The following GIGYF2 variants were observed in gnomAD, a reference collection of about 807,000 sequenced individuals.
GIGYF2 encodes GRB10 interacting GYF protein 2.
Under a neutral mutation model 208.1 loss-of-function variants are expected in GIGYF2, and 25 were observed. The observed-to-expected ratio is 0.12, with a 90% confidence interval of 0.09 to 0.17. The LOEUF is 0.17. Among genes scored for constraint, GIGYF2 ranks in the 10% least tolerant of loss-of-function variants. The pLI, the probability that GIGYF2 is intolerant of heterozygous loss-of-function variation, is 1.00. For missense variants in GIGYF2, 1,302 were observed against 1,579.4 expected (o/e 0.82, Z 2.98); for synonymous variants, 534 against 543.8 (o/e 0.98, Z 0.25).
At chr2:232,766,771 C>T (rs942703766) in intron 8 of GIGYF2, 3 of 152,226 alleles carry the variant, frequency 2.0e-5, no homozygotes, top group African/African-American at 7.2e-5. Context: ...CCCTGCTCTT[C>T]ACACCTGCTT....
intron 14 of GIGYF2, among the ~76,000 whole-genome samples, chr2:232,801,069 G>GA (rs535594993): frequency 6.3e-4 from 96 of 151,674 alleles, no homozygotes; most frequent in African/African-American, 2.2e-3. Context: ...TCTTTAAAAA[G>GA]AAAAAAAAGA....
chr2:232,753,364 TC>T (rs1232635412), intron 5 of GIGYF2, among the ~76,000 whole-genome samples: 1 of 152,156 alleles, frequency 6.6e-6, no homozygotes, highest in Non-Finnish European at 1.5e-5. Context: ...CCTCAAGTGA[TC>T]CGCCTGCCTT....
chr2:232,771,736 G>A (rs957969150), intron 8 of GIGYF2, among the ~76,000 whole-genome samples: 3 of 152,138 alleles, frequency 2.0e-5, no homozygotes, highest in African/African-American at 7.2e-5. Context: ...ACCAAATATT[G>A]TGTATAAAGA....
chr2:232,745,592 T>TC (rs1252629946), intron 3 of GIGYF2, among the ~76,000 whole-genome samples: 3 of 152,228 alleles, frequency 2.0e-5, no homozygotes, highest in East Asian at 3.8e-4. Flanking sequence ...TAAGGCTTTT[T>TC]CCCTCCTTTC....
At chr2:232,829,060 AT>A (rs1293775878) in intron 21 of GIGYF2, among the ~76,000 whole-genome samples, 1 of 152,116 alleles carries the variant, frequency 6.6e-6, no homozygotes, top group Non-Finnish European at 1.5e-5. Context: ...AGATGCTAAA[AT>A]TTTTTCAAAA....
At chr2:232,736,027 T>C (rs1295478919) in intron 3 of GIGYF2, 1 of 978,788 alleles carries the variant, frequency 1.0e-6, no homozygotes, top group African/African-American at 1.7e-5. Flanking sequence ...GTTCAATAAA[T>C]GATGCAGACT....
intron 23 of GIGYF2, chr2:232,842,978 C>T (rs1320746037): frequency 6.6e-6 from 1 of 152,180 alleles, no homozygotes; most frequent in Non-Finnish European, 1.5e-5. Flanking sequence ...GACTCAGCAC[C>T]TCCAGTTCCT....
chr2:232,845,584 T>C, intron 25 of GIGYF2, 148 bp from the exon 26 acceptor site: 1 of 698,288 alleles, frequency 1.4e-6, no homozygotes, highest in Non-Finnish European at 2.5e-6. Flanking sequence ...AATCCAAATA[T>C]TTGAATTTTT....
At chr2:232,754,438 T>C (rs998675847) in intron 5 of GIGYF2, among the ~76,000 whole-genome samples, 6 of 152,212 alleles carry the variant, frequency 3.9e-5, no homozygotes, top group African/African-American at 4.8e-5. Context: ...TTATACTAGT[T>C]TATACTTTCA....
intron 2 of GIGYF2, among the ~76,000 whole-genome samples, chr2:232,734,109 C>CTTTTT (rs35593823): frequency 8.2e-6 from 1 of 122,464 alleles, no homozygotes; most frequent in Non-Finnish European, 1.7e-5. Flanking sequence ...TATTTTAAAA[C>CTTTTT]TTTTTTTTTT....
At chr2:232,768,154 G>T (rs755099409) in intron 8 of GIGYF2, 2 of 1,604,510 alleles carry the variant, frequency 1.2e-6, no homozygotes, top group Non-Finnish European at 1.7e-6. Context: ...TGCATAACTG[G>T]CTGGGTGTAT....
At chr2:232,728,158 C>T (rs1041558189) in intron 2 of GIGYF2, among the ~76,000 whole-genome samples, 2 of 152,024 alleles carry the variant, frequency 1.3e-5, no homozygotes, top group Admixed American at 1.3e-4. Context: ...TATGTCATAG[C>T]ACAACTAAAG....
intron 2 of GIGYF2, among the ~76,000 whole-genome samples, chr2:232,715,302 C>A (rs557562909): frequency 3.3e-5 from 5 of 151,920 alleles, no homozygotes; most frequent in South Asian, 2.1e-4. Flanking sequence ...GGCTATTAGA[C>A]GTAAAGCTGA....
chr2:232,795,354 T>G (rs1259563378), intron 13 of GIGYF2, among the ~76,000 whole-genome samples: 2 of 152,190 alleles, frequency 1.3e-5, no homozygotes, highest in African/African-American at 4.8e-5. Flanking sequence ...TCCCCAAGAT[T>G]GTGTGTACCA....
rs188839180 is a variant in GIGYF2 at position 232,711,801 on chromosome 2, C to T, written c.-44+8312C>T. Among the ~76,000 whole-genome samples the T allele has an allele frequency of 3.4e-5, 5 of 148,862 alleles. No individual in the cohort carries two copies. The East Asian group carries it at 9.8e-4, about 29-fold the overall frequency. ...TGATATTACACTAAAATTCAACCAG[C>T]AGTGTTTTTTTTCTTTTTTTGTATT... On this transcript the variant is annotated intron_variant, in intron 2 of 28. Transcript: ENST00000373563.
rs147801207 is a variant in GIGYF2 at position 232,698,530 on chromosome 2, C to T, written c.-110+1138C>T. Reference sequence around the variant, plus strand: ...ATTCTTTCTGTACATTAATTTTGCTCCTTCTAATATTTGTAGCTTTGGCCT... The same window carrying T: ...ATTCTTTCTGTACATTAATTTTGCTTCTTCTAATATTTGTAGCTTTGGCCT... On this transcript the variant is annotated intron_variant, in intron 1 of 28. Transcript: ENST00000373563. Among the ~76,000 whole-genome samples, 25 of 152,186 alleles carry T rather than the reference C, an allele frequency of 1.6e-4. No homozygotes were observed. In the East Asian group the frequency reaches 4.6e-3, roughly 28 times the overall value.
At chr2:232,722,991 T>A (rs142671909) in intron 2 of GIGYF2, among the ~76,000 whole-genome samples, 3 of 152,308 alleles carry the variant, frequency 2.0e-5, no homozygotes, top group African/African-American at 7.2e-5. Context: ...AATTATTTTT[T>A]ATGTAAGTTT....
chr2:232,771,359 C>T, intron 8 of GIGYF2: 1 of 1,605,090 alleles, frequency 6.2e-7, no homozygotes, highest in Non-Finnish European at 8.5e-7. Flanking sequence ...TTACTGCTGT[C>T]CATCTCAGGC....
At chr2:232,804,843 C>T (rs2592113) in intron 14 of GIGYF2, among the ~76,000 whole-genome samples, 52,857 of 151,580 alleles carry the variant, frequency 0.35, 9,516 homozygotes, top group South Asian at 0.63. Context: ...CCTTGAGACT[C>T]CCTCTTTTAC....
Sources: allele counts gnomAD v4.1 joint callset (sites outside exome capture counted in the v4.1 genomes callset), GRCh38; gene constraint gnomAD v4.1.1; transcripts MANE v1.5; gene names NCBI Gene and HGNC (gene_info 2026-07-23, HGNC 2026-07-21).